The following PKMYT1 variants were observed in gnomAD, a reference collection of about 807,000 sequenced individuals.
PKMYT1 encodes the protein membrane-associated tyrosine- and threonine-specific cdc2-inhibitory kinase.
Under a neutral mutation model 49.7 loss-of-function variants are expected in PKMYT1, and 35 were observed. The observed-to-expected ratio is 0.70, with a 90% CI of 0.54 to 0.93. PKMYT1 has a LOEUF of 0.93. Among genes scored for constraint, PKMYT1 ranks in the 40% least tolerant of loss-of-function variants. PKMYT1 has a pLI of 0.00. For missense variants in PKMYT1, 677 were observed against 673.1 expected (o/e 1.01, Z -0.06); for synonymous variants, 331 against 287.6 (o/e 1.15, Z -1.53).
Position 2,976,839 on chromosome 16 carries a change from G to A in PKMYT1, c.203C>T (p.Pro68Leu), listed in dbSNP as rs773196509. Reference protein sequence around the residue: ...KGSIPISRLFPPRTPGWHQLQ... With the variant: ...KGSIPISRLFLPRTPGWHQLQ... ...CTGGTGCCAGCCTGGGGTCCGAGGAGGGAAGAGGCGGCTGATGGGAATGCT... is the reference window on the plus strand; with the variant it reads ...CTGGTGCCAGCCTGGGGTCCGAGGAAGGAAGAGGCGGCTGATGGGAATGCT... Residue 68 changes from proline to leucine, a missense_variant, in exon 3 of 9, where the codon CCT becomes CTT. Transcript: ENST00000262300. The A allele has an allele frequency of 9.0e-6, 14 of 1,551,360 alleles. No individual in the cohort carries two copies. Among genetic ancestry groups the A allele is most frequent in the Non-Finnish European group, 1.0e-5 (12 of 1,147,702 alleles).
At position 2,976,857 on chromosome 16, in the gene PKMYT1, G is replaced by A. The variant is rs1182102686; in HGVS notation, c.185C>T (p.Pro62Leu). 6.5e-7 allele frequency: 1 copy of A among 1,536,860 alleles called. No homozygotes were observed. Among genetic ancestry groups the A allele is most frequent in the Admixed American group, 2.0e-5 (1 of 48,818 alleles). The stretch of plus-strand genomic sequence containing the variant: ...CCGAGGAGGGAAGAGGCGGCTGATG[G>A]GAATGCTGCCCTTGGCAGGGGGCGG... ...PPPPPAKGSI[P>L]ISRLFPPRTP... The change falls in exon 3 of 9, where the codon CCC (proline) becomes CTC (leucine). Residue 62 changes from proline (P) to leucine (L), a missense_variant. Coordinates refer to ENST00000262300, the MANE Select transcript of PKMYT1 (RefSeq NM_004203.5).
chr16:2,975,618 C>G lies in PKMYT1; in HGVS notation c.573G>C (p.Gly191=). 6.2e-7 allele frequency: 1 copy of G among 1,611,414 alleles called. No individual in the cohort carries two copies. The highest frequency in any genetic ancestry group is 8.5e-7 in the Non-Finnish European group (1 of 1,179,708). ...GILYLQTELC[G]PSLQQHCEAW... ...CCTCACAGTGTTGCTGCAGGCTGGG[C>G]CCGCACAGCTCCGTCTGCAGGTACA... The change falls in exon 4 of 9, where the codon GGG becomes GGC. Residue 191 remains glycine (G), a synonymous_variant. Transcript: ENST00000262300.
At chr16:2,977,638 A>C in intron 2 of PKMYT1, 15 of 307,774 alleles carry the variant, frequency 4.9e-5, no homozygotes, top group South Asian at 1.3e-4. Context: ...ACAGCAAACA[A>C]AGGTTTACAC....
chr16:2,978,507 G>C (rs2072257638), intron 2 of PKMYT1, among the ~76,000 whole-genome samples: 1 of 152,156 alleles, frequency 6.6e-6, no homozygotes, highest in South Asian at 2.1e-4. Context: ...CAGCATTTTA[G>C]GAGGCTGAGG....
chr16:2,976,677 C>A lies in PKMYT1; in HGVS notation c.365G>T (p.Gly122Val). Residue 122 changes from glycine (G) to valine (V), a missense_variant, in exon 3 of 9, where the codon GGA becomes GTA. Transcript: ENST00000262300. The stretch of plus-strand genomic sequence containing the variant: ...CCCCTCACTCACCTTGAAGACCTCT[C>A]CGTAGGAGCCATGGCCCAGGCGGCT... The part of the protein sequence containing the change: ...RLSRLGHGSY[G>V]EVFKVRSKED... 1 of 1,483,374 alleles carries A rather than the reference C, an allele frequency of 6.7e-7. No individual in the cohort carries two copies. The highest frequency in any genetic ancestry group is 1.5e-5 in the South Asian group (1 of 68,228). The allele number at this position is 1,483,374 out of a possible 1,614,324, so 91.9% of individuals were successfully genotyped here.
chr16:2,974,842 C>T, intron 4 of PKMYT1, 186 bp from the exon 5 acceptor site: 1 of 593,222 alleles, frequency 1.7e-6, no homozygotes. Context: ...ATGGGGACAT[C>T]ATGGAATATG....
intron 2 of PKMYT1, among the ~76,000 whole-genome samples, chr16:2,978,136 G>A (rs1567390305): frequency 6.6e-6 from 1 of 152,176 alleles, no homozygotes; most frequent in Non-Finnish European, 1.5e-5. Context: ...TCCACAGCAT[G>A]GCTCAGACAG....
In PKMYT1 at chr16:2,974,043, G is replaced by A. The variant is rs780656125; in HGVS notation, c.1267C>T (p.Leu423=). 6.2e-7 allele frequency: 1 copy of A among 1,612,594 alleles called. No homozygotes were observed. The highest frequency in any genetic ancestry group is 8.5e-7 in the Non-Finnish European group (1 of 1,179,888). The stretch of plus-strand genomic sequence containing the variant: ...CAGTTGCTGGAGAGGCTGCTGTCCA[G>A]GAGCAAACTGCAGGGTGGTGAGCCA... ...PPGSPPCSLL[L]DSSLSSNWDD... is the part of the protein sequence containing the mutation. Residue 423 remains leucine (L), a synonymous_variant, in exon 7 of 9, where the codon CTG becomes TTG. Transcript: ENST00000262300.
At chr16:2,976,602 G>C (rs1250472221) in intron 3 of PKMYT1, 62 bp downstream of exon 3, 1 of 1,406,978 alleles carries the variant, frequency 7.1e-7, no homozygotes, top group Non-Finnish European at 9.3e-7. Context: ...GTCCTGCCAA[G>C]GGAGGTGCAG....
chr16:2,977,138 C>A, intron 2 of PKMYT1, 107 bp from the exon 3 acceptor site: 3 of 1,530,288 alleles, frequency 2.0e-6, no homozygotes, highest in South Asian at 1.2e-5. Context: ...CTATACCACA[C>A]ACTTATTCTA....
chr16:2,975,420 C>G lies in PKMYT1; in HGVS notation c.771G>C (p.Glu257Asp). The change falls in exon 4 of 9, where the codon GAG becomes GAC. Residue 257 changes from glutamate to aspartate, a missense_variant. Transcript: ENST00000262300. ...CCTCACCAGCTCCTGCTGTACCCAG[C>G]TCCACCAGCAGTCCGAAGTCACCCA... ...CKLGDFGLLVELGTAGAGEVQ... is the reference protein window; with the variant it reads ...CKLGDFGLLVDLGTAGAGEVQ... 6.2e-7 allele frequency: 1 copy of G among 1,613,288 alleles called. No individual in the cohort carries two copies. The highest frequency in any genetic ancestry group is 8.5e-7 in the Non-Finnish European group (1 of 1,180,000).
At chr16:2,979,602 G>A (rs757015342) in intron 2 of PKMYT1, 46 bp downstream of exon 2, 2 of 1,494,972 alleles carry the variant, frequency 1.3e-6, no homozygotes, top group African/African-American at 2.8e-5. Context: ...ACCTGGGCCT[G>A]TGCATCTTAA....
chr16:2,973,359 C>T (rs905338321), intron 7 of PKMYT1, 144 bp from the exon 8 acceptor site: 77 of 1,542,894 alleles, frequency 5.0e-5, no homozygotes, highest in Admixed American at 1.8e-4. Context: ...ACTTGGTGCA[C>T]TCTGAAAGCA....
Position 2,974,011 on chromosome 16 carries a change from G to A in PKMYT1, c.1299C>T (p.Asp433=), listed in dbSNP as rs148509820. The A allele has an allele frequency of 1.4e-5, 22 of 1,612,520 alleles. No individual in the cohort carries two copies. Among genetic ancestry groups the A allele is most frequent in the African/African-American group, 1.2e-4 (9 of 74,878 alleles). ...LDSSLSSNWD[D]DSLGPSLSPE... ...GCACTTGAACCCACCCTAGGCTGTCGTCATCCCAGTTGCTGGAGAGGCTGC... is the reference window on the plus strand; with the variant it reads ...GCACTTGAACCCACCCTAGGCTGTCATCATCCCAGTTGCTGGAGAGGCTGC... Residue 433 remains aspartate (D), a synonymous_variant, in exon 7 of 9, where the codon GAC becomes GAT. Coordinates refer to ENST00000262300, the MANE Select transcript of PKMYT1 (RefSeq NM_004203.5).
In PKMYT1 at chr16:2,972,869, G is replaced by A; in HGVS notation, c.*84C>T. 3 of 1,537,362 alleles carry A rather than the reference G, an allele frequency of 2.0e-6. No homozygotes were observed. The highest frequency in any genetic ancestry group is 2.6e-6 in the Non-Finnish European group (3 of 1,135,658). ...CACGGCCAGGCAGAGAAGACCATGG[G>A]AGTTCCCGAGGGGCCCCAGCTTTCA... On this transcript the variant is annotated 3_prime_UTR_variant, in exon 9 of 9. Transcript: ENST00000262300.
rs1458549054 is a variant in PKMYT1 at position 2,975,593 on chromosome 16, C to T, written c.598G>A (p.Ala200Thr). 1.2e-6 allele frequency: 2 copies of T among 1,611,514 alleles called. No homozygotes were observed. The highest frequency in any genetic ancestry group is 1.7e-6 in the Non-Finnish European group (2 of 1,179,744). ...CGPSLQQHCEAWGASLPEAQV... is the reference protein window; with the variant it reads ...CGPSLQQHCETWGASLPEAQV... Reference sequence around the variant, plus strand: ...GCCTCAGGCAGGCTGGCACCCCAGGCCTCACAGTGTTGCTGCAGGCTGGGC... The same window carrying T: ...GCCTCAGGCAGGCTGGCACCCCAGGTCTCACAGTGTTGCTGCAGGCTGGGC... Residue 200 changes from alanine (A) to threonine (T), a missense_variant, in exon 4 of 9, where the codon GCC becomes ACC. Physicochemically the swap from Ala to Thr is moderately conservative, Grantham distance 58. Coordinates refer to ENST00000262300, the MANE Select transcript of PKMYT1 (RefSeq NM_004203.5).
In PKMYT1 at chr16:2,974,095, C is replaced by A; in HGVS notation, c.1215G>T (p.Gln405His). 1 of 1,608,066 alleles carries A rather than the reference C, an allele frequency of 6.2e-7. No individual in the cohort carries two copies. The highest frequency in any genetic ancestry group is 8.5e-7 in the Non-Finnish European group (1 of 1,177,724). ...HGLAHPASWL[Q>H]PLGPPATPPG... Reference sequence around the variant, plus strand: ...GCGGGGTGGCTGGCGGGCCCAGGGGCTGTAGCCAGCTGGCAGGGTGAGCCA... The same window carrying A: ...GCGGGGTGGCTGGCGGGCCCAGGGGATGTAGCCAGCTGGCAGGGTGAGCCA... Residue 405 changes from glutamine to histidine, a missense_variant, in exon 7 of 9, where the codon CAG becomes CAT. Transcript: ENST00000262300.
rs752062422 is a variant in PKMYT1 at position 2,975,630 on chromosome 16, C to T, written c.561G>A (p.Thr187=). ...GCTGCAGGCTGGGCCCGCACAGCTC[C>T]GTCTGCAGGTACAGGATGCCGCCCT... ...WEEGGILYLQ[T]ELCGPSLQQH... The change falls in exon 4 of 9, where the codon ACG becomes ACA. Residue 187 remains threonine, a synonymous_variant. Coordinates refer to ENST00000262300, the MANE Select transcript of PKMYT1 (RefSeq NM_004203.5). The T allele has an allele frequency of 5.6e-6, 9 of 1,611,584 alleles. No homozygotes were observed. The Admixed American group carries it at 6.7e-5, about 12-fold the overall frequency.
intron 4 of PKMYT1, 174 bp from the exon 5 acceptor site, chr16:2,974,830 G>A: frequency 1.7e-6 from 1 of 595,856 alleles, no homozygotes; most frequent in Non-Finnish European, 3.0e-6. Context: ...ACCCTGGGCA[G>A]GATGGGGACA....
Sources: allele counts gnomAD v4.1 joint callset (sites outside exome capture counted in the v4.1 genomes callset), GRCh38; gene constraint gnomAD v4.1.1; transcripts MANE v1.5; gene names NCBI Gene and HGNC (gene_info 2026-07-23, HGNC 2026-07-21).